The following ST3GAL1 variants were observed in gnomAD, a reference collection of about 807,000 sequenced individuals.
The protein encoded by ST3GAL1 is ST3 beta-galactoside alpha-2,3-sialyltransferase 1, also known as CMP-N-acetylneuraminate-beta-galactosamide-alpha-2,3-sialyltransferase 1.
Under a neutral mutation model 34.1 loss-of-function variants are expected in ST3GAL1, and 16 were observed. That is an observed-to-expected ratio of 0.47 (90% CI 0.32 to 0.71). The LOEUF is 0.71. Among genes scored for constraint, ST3GAL1 ranks in the 30% least tolerant of loss-of-function variants. The probability of loss-of-function intolerance (pLI) is 0.04; values close to 1 mark genes in which losing one functional copy is unlikely to be tolerated. For missense variants in ST3GAL1, 353 were observed against 447.4 expected (o/e 0.79, Z 1.90); for synonymous variants, 191 against 184.7 (o/e 1.03, Z -0.28).
intron 2 of ST3GAL1, among the ~76,000 whole-genome samples, chr8:133,512,765 C>A (rs1207458372): frequency 6.6e-6 from 1 of 152,228 alleles, no homozygotes; most frequent in Non-Finnish European, 1.5e-5. Flanking sequence ...CTCAGAAAAC[C>A]CTTTGCAAAA....
chr8:133,502,622 C>T (rs4736455), intron 2 of ST3GAL1, among the ~76,000 whole-genome samples: 39,452 of 152,024 alleles, frequency 0.26, 5,188 homozygotes, highest in East Asian at 0.33. Context: ...TTTAAGCTAC[C>T]GAGTTTGTGA....
intron 2 of ST3GAL1, among the ~76,000 whole-genome samples, chr8:133,517,633 A>T (rs1202264667): frequency 1.3e-5 from 2 of 152,222 alleles, no homozygotes; most frequent in African/African-American, 4.8e-5. Flanking sequence ...TACAGGCATG[A>T]GCCAACGCGC....
chr8:133,462,656 G>A (rs1380287091), intron 8 of ST3GAL1, among the ~76,000 whole-genome samples: 1 of 152,196 alleles, frequency 6.6e-6, no homozygotes, highest in Non-Finnish European at 1.5e-5. Flanking sequence ...CCAGCCCCTA[G>A]GAATGGACTG....
rs1164521433 is a variant in ST3GAL1 at position 133,455,643 on chromosome 8, C to T, written c.*4121G>A. On this transcript the variant is annotated 3_prime_UTR_variant, in exon 10 of 10. Coordinates refer to ENST00000522652, the MANE Select transcript of ST3GAL1 (RefSeq NM_173344.3). Reference sequence around the variant, plus strand: ...GATGTCTGCGATGGATATAATGATACCCCCGGGGCTCTTCTCAGGGGTGAG... The same window carrying T: ...GATGTCTGCGATGGATATAATGATATCCCCGGGGCTCTTCTCAGGGGTGAG... 6.6e-6 allele frequency: 1 copy of T among 152,256 alleles called. No individual in the cohort carries two copies. Among genetic ancestry groups the T allele is most frequent in the Non-Finnish European group, 1.5e-5 (1 of 68,134 alleles). The allele number at this position is 152,256 out of a possible 1,614,324, so 9.4% of individuals were successfully genotyped here.
intron 2 of ST3GAL1, among the ~76,000 whole-genome samples, chr8:133,506,246 C>T (rs1428908924): frequency 6.6e-6 from 1 of 152,126 alleles, no homozygotes; most frequent in Non-Finnish European, 1.5e-5. Flanking sequence ...GGTTATTATA[C>T]CTCACTGAGT....
At chr8:133,499,661 G>A (rs1256174917) in intron 2 of ST3GAL1, among the ~76,000 whole-genome samples, 1 of 152,180 alleles carries the variant, frequency 6.6e-6, no homozygotes, top group Non-Finnish European at 1.5e-5. Context: ...CTGTGTGCCT[G>A]GCACTGGGTT....
intron 3 of ST3GAL1, among the ~76,000 whole-genome samples, chr8:133,482,162 T>C (rs1816418934): frequency 1.3e-5 from 2 of 152,174 alleles, no homozygotes; most frequent in South Asian, 4.1e-4. Flanking sequence ...TTCCTTTCTC[T>C]TGGGGGGTCT....
At position 133,528,306 on chromosome 8, in the gene ST3GAL1, T is replaced by C. The variant is rs575705214; in HGVS notation, c.-429+17468A>G. Among the ~76,000 whole-genome samples, 3 of 152,332 alleles carry C rather than the reference T, an allele frequency of 2.0e-5. 1 individual carries two copies. In the South Asian group the frequency reaches 6.2e-4, roughly 32 times the overall value. ...GTGCCTGCAGGGAAGGAGCAGGACC[T>C]AGCCTAGATTGCTAAGCTCAGTACC... On this transcript the variant is annotated intron_variant, in intron 2 of 9. Coordinates refer to ENST00000522652, the MANE Select transcript of ST3GAL1 (RefSeq NM_173344.3).
chr8:133,536,723 G>A (rs112804530), intron 2 of ST3GAL1, among the ~76,000 whole-genome samples: 1,794 of 152,268 alleles, frequency 0.012, 19 homozygotes, highest in Non-Finnish European at 0.018. Flanking sequence ...CAGCCTTTAC[G>A]ATGGGCCAGA....
intron 1 of ST3GAL1, among the ~76,000 whole-genome samples, chr8:133,563,025 G>C (rs910088474): frequency 6.7e-6 from 1 of 149,526 alleles, no homozygotes; most frequent in East Asian, 1.9e-4. Context: ...TTTGGTTGGG[G>C]TTTATTGGTT....
intron 1 of ST3GAL1, among the ~76,000 whole-genome samples, chr8:133,549,974 C>CA (rs1468234561): frequency 6.8e-5 from 7 of 102,436 alleles, no homozygotes; most frequent in African/African-American, 2.3e-4. Context: ...AAAAACAAAA[C>CA]AAACAAACAA....
chr8:133,540,527 C>T (rs915531071), intron 2 of ST3GAL1, among the ~76,000 whole-genome samples: 5 of 151,942 alleles, frequency 3.3e-5, no homozygotes, highest in African/African-American at 1.2e-4. Flanking sequence ...TGAATCAGTC[C>T]CTGTGTATCC....
chr8:133,459,781 T>G lies in ST3GAL1; in HGVS notation c.1006A>C (p.Ile336Leu). 1.2e-6 allele frequency: 2 copies of G among 1,612,412 alleles called. No homozygotes were observed. Among genetic ancestry groups the G allele is most frequent in the Non-Finnish European group, 1.7e-6 (2 of 1,179,074 alleles). Residue 336 changes from isoleucine (I) to leucine (L), a missense_variant, in exon 10 of 10, where the codon ATC (isoleucine) becomes CTC (leucine). By Grantham distance (5) the Ile-to-Leu change is conservative. Transcript: ENST00000522652. This position sits in a 1 kb window ranked among gnomAD's most constrained non-coding sequence, Gnocchi z 4.7. ...ATLASINKIR[I>L]FKGR ...TCACTGCGTCATCTCCCCTTGAAGA[T>G]CCGGATTTTATTGATGGAGGCCAAG...
At chr8:133,499,772 C>T (rs577654173) in intron 2 of ST3GAL1, among the ~76,000 whole-genome samples, 2 of 152,286 alleles carry the variant, frequency 1.3e-5, no homozygotes, top group East Asian at 1.9e-4. Flanking sequence ...GGTCGAGCAG[C>T]TCGGCGTACT....
chr8:133,509,350 G>A (rs918293753), intron 2 of ST3GAL1, among the ~76,000 whole-genome samples: 3 of 152,260 alleles, frequency 2.0e-5, no homozygotes, highest in Non-Finnish European at 4.4e-5. Context: ...TGCAGTTGAG[G>A]CACAGGGTCT....
At chr8:133,552,347 T>G (rs1042587728) in intron 1 of ST3GAL1, among the ~76,000 whole-genome samples, 4 of 152,150 alleles carry the variant, frequency 2.6e-5, no homozygotes, top group African/African-American at 9.7e-5. Flanking sequence ...AGTAGGAAAG[T>G]GCAAGAGCAG....
intron 1 of ST3GAL1, among the ~76,000 whole-genome samples, chr8:133,553,359 G>A (rs1474337575): frequency 1.3e-5 from 2 of 152,192 alleles, no homozygotes; most frequent in Non-Finnish European, 2.9e-5. Flanking sequence ...CCTTGCCCGT[G>A]TGCCTCTGGA....
At chr8:133,465,751 G>T in intron 6 of ST3GAL1, 143 bp downstream of exon 6, 1 of 809,284 alleles carries the variant, frequency 1.2e-6, no homozygotes, top group Non-Finnish European at 2.0e-6. Flanking sequence ...CCCAGGGGGT[G>T]CAGTGTGGAG....
intron 2 of ST3GAL1, among the ~76,000 whole-genome samples, chr8:133,544,576 A>G (rs528638994): frequency 6.6e-6 from 1 of 152,190 alleles, no homozygotes; most frequent in East Asian, 1.9e-4. Context: ...TCTTGCCCAT[A>G]TATCTACCCC....
Sources: gnomAD v4.1 joint callset for allele counts (sites outside exome capture counted in the v4.1 genomes callset) on GRCh38, gnomAD v4.1.1 for gene constraint, Gnocchi (gnomAD v3.1) non-coding constraint, MANE v1.5 for transcripts, NCBI Gene and HGNC (gene_info 2026-07-23, HGNC 2026-07-21) for gene names.